Variants in ACBD5 observed in about 807,000 individuals in gnomAD.
ACBD5 encodes acyl-CoA-binding domain-containing protein 5.
In ACBD5, 40 loss-of-function variants were observed where a neutral mutation model predicts 71.8. The ratio of observed to expected loss-of-function variants is 0.56; its 90% CI spans 0.43 to 0.72. The LOEUF (loss-of-function observed/expected upper bound fraction) is 0.72, where lower values mean the gene tolerates loss of function less well. ACBD5 is among the 30% of genes least tolerant of loss of function. The probability of loss-of-function intolerance (pLI) is 0.00; values close to 1 mark genes in which losing one functional copy is unlikely to be tolerated. For synonymous variants in ACBD5, 229 were observed against 218.6 expected, an observed-to-expected ratio of 1.05 and a Z score of -0.42; for missense variants, 559 against 644.5, an observed-to-expected ratio of 0.87 and a Z score of 1.44.
At chr10:27,221,816 G>A in intron 5 of ACBD5, among the ~76,000 whole-genome samples, 1 of 150,482 alleles carries the variant, frequency 6.6e-6, no homozygotes, top group Non-Finnish European at 1.5e-5. Flanking sequence ...TACCTGGGAG[G>A]CTAAGTCAGG....
At chr10:27,213,715 C>T (rs2061344115) in intron 8 of ACBD5, among the ~76,000 whole-genome samples, 1 of 151,838 alleles carries the variant, frequency 6.6e-6, no homozygotes, top group Non-Finnish European at 1.5e-5. Context: ...CAAGATCATC[C>T]CATTGCACTC....
chr10:27,189,581 A>G (rs10829204), intron 13 of ACBD5, among the ~76,000 whole-genome samples: 6 of 135,820 alleles, frequency 4.4e-5, no homozygotes, highest in Non-Finnish European at 6.2e-5. Flanking sequence ...ATGAGAACAC[A>G]TGGACATAGG....
chr10:27,184,083 C>T (rs2058489423), intron 13 of ACBD5, among the ~76,000 whole-genome samples: 1 of 152,104 alleles, frequency 6.6e-6, no homozygotes, highest in African/African-American at 2.4e-5. Context: ...TTGCTTCAGG[C>T]CCTGGGAATA....
At chr10:27,193,843 CTTGGT>C (rs2059186328), downstream of ACBD5, among the ~76,000 whole-genome samples, 1 of 152,226 alleles carries the variant, frequency 6.6e-6, no homozygotes, top group Non-Finnish European at 1.5e-5. Flanking sequence ...GACCCAGTTA[CTTGGT>C]CAAGCCACCA....
At chr10:27,228,793 A>T (rs528887672) in intron 4 of ACBD5, among the ~76,000 whole-genome samples, 2 of 15,848 alleles carry the variant, frequency 1.3e-4, no homozygotes, top group African/African-American at 1.9e-4. Flanking sequence ...TATTATGTTT[A>T]TATATATATA....
chr10:27,224,157 G>A (rs2062712815), intron 4 of ACBD5, among the ~76,000 whole-genome samples: 1 of 151,038 alleles, frequency 6.6e-6, no homozygotes, highest in South Asian at 2.1e-4. Flanking sequence ...CTTGAGCCCA[G>A]GAGTTCGAGA....
rs1337258667 is a variant in ACBD5 at position 27,197,008 on chromosome 10, ATTCT to A, written c.*418_*421del. On this transcript the variant is annotated 3_prime_UTR_variant, in exon 13 of 13. Coordinates refer to ENST00000396271, the MANE Select transcript of ACBD5 (RefSeq NM_145698.5). ...CATTTGAAATTCACTCCTGGTTTGC[ATTCT>A]TTCTTTTATTTAATTTAGAAAATTA... The A allele has an allele frequency of 8.9e-6, 4 of 447,664 alleles. No individual in the cohort carries two copies. The highest frequency in any genetic ancestry group is 6.0e-5 in the African/African-American group (3 of 49,928). 27.7% of individuals were successfully genotyped at this position (447,664 alleles called of 1,614,324 possible).
rs2065387250 is a variant in ACBD5 at position 27,240,684 on chromosome 10, A to G, written c.5T>C (p.Leu2Pro). ...AGCAAAACAACTCACCGAGAGGAAG[A>G]GCATGTCTAGCAGAAGACAGAGGGG... M[L>P]FLSFHAGSWE... Residue 2 changes from leucine to proline, a missense_variant, in exon 1 of 13, where the codon CTC becomes CCC. Coordinates refer to ENST00000396271, the MANE Select transcript of ACBD5 (RefSeq NM_145698.5). This position sits in a 1 kb window ranked among gnomAD's most constrained non-coding sequence, Gnocchi z 4.1. 2 of 1,550,668 alleles carry G rather than the reference A, an allele frequency of 1.3e-6. No individual in the cohort carries two copies. Among genetic ancestry groups the G allele is most frequent in the Non-Finnish European group, 1.7e-6 (2 of 1,146,960 alleles).
At position 27,210,712 on chromosome 10, in the gene ACBD5, T is replaced by A. The variant is rs560671893; in HGVS notation, c.1204+102A>T. On this transcript the variant is annotated intron_variant, in intron 9 of 12. Coordinates refer to ENST00000396271, the MANE Select transcript of ACBD5 (RefSeq NM_145698.5). ...GGCAGAGGTTGCAGTGAGCCGAGAT[T>A]GCACCACCGCACACCAGCCTGGGCG... is the stretch of plus-strand genomic sequence containing the variant. The A allele has an allele frequency of 2.0e-6, 3 of 1,497,026 alleles. No individual in the cohort carries two copies. In the South Asian group the frequency reaches 3.5e-5, roughly 17 times the overall value. The allele number at this position is 1,497,026 out of a possible 1,614,324, so 92.7% of individuals were successfully genotyped here.
intron 9 of ACBD5, 143 bp downstream of exon 9, chr10:27,210,671 T>C (rs2060973306): frequency 9.5e-7 from 1 of 1,051,066 alleles, no homozygotes; most frequent in South Asian, 1.4e-5. Context: ...GGCAGGAGAA[T>C]CACTTGAACC....
intron 7 of ACBD5, among the ~76,000 whole-genome samples, chr10:27,217,114 C>T (rs574908898): frequency 2.8e-5 from 4 of 143,970 alleles, no homozygotes; most frequent in East Asian, 2.1e-4. Context: ...TCACTGCACT[C>T]CACCCTGGGC....
At chr10:27,216,117 A>G (rs1004137688) in intron 7 of ACBD5, among the ~76,000 whole-genome samples, 1 of 149,404 alleles carries the variant, frequency 6.7e-6, no homozygotes, top group Non-Finnish European at 1.5e-5. Flanking sequence ...CAGATGATCC[A>G]CCCACCTTGG....
intron 13 of ACBD5, among the ~76,000 whole-genome samples, chr10:27,189,837 GAA>G (rs2059005507): frequency 6.6e-6 from 1 of 151,218 alleles, no homozygotes; most frequent in East Asian, 1.9e-4. Flanking sequence ...GATGAATTTA[GAA>G]AAAGAGTAAA....
intron 9 of ACBD5, among the ~76,000 whole-genome samples, chr10:27,209,548 C>T (rs1032342323): frequency 2.0e-5 from 3 of 152,150 alleles, no homozygotes; most frequent in African/African-American, 7.2e-5. Flanking sequence ...GTCTTGAACT[C>T]CTGACCTCAA....
At position 27,240,476 on chromosome 10, in the gene ACBD5, T is replaced by C; in HGVS notation, c.24A>G (p.Ala8=). The C allele has an allele frequency of 6.2e-7, 1 of 1,609,574 alleles. No homozygotes were observed. The highest frequency in any genetic ancestry group is 1.3e-5 in the African/African-American group (1 of 74,932). MLFLSFH[A]GSWESWCCCC... ...AGCAGCACCAGCTTTCCCAAGAGCC[T>C]GCATGAAACTGGAACATGGAGCGCA... is the stretch of plus-strand genomic sequence containing the variant. The change falls in exon 2 of 13, where the codon GCA becomes GCG. Residue 8 remains alanine (A), a synonymous_variant. Transcript: ENST00000396271. This position sits in a 1 kb window ranked among gnomAD's most constrained non-coding sequence, Gnocchi z 4.1.
intron 11 of ACBD5, 50 bp downstream of exon 11, chr10:27,205,148 C>T (rs757540517): frequency 4.5e-6 from 7 of 1,569,782 alleles, no homozygotes; most frequent in African/African-American, 1.4e-5. Context: ...AAAACAACAA[C>T]AAAAAACATA....
intron 9 of ACBD5, among the ~76,000 whole-genome samples, chr10:27,209,746 T>C (rs948752438): frequency 2.2e-4 from 34 of 152,232 alleles, no homozygotes; most frequent in Admixed American, 1.7e-3. Context: ...ATTTACAAAA[T>C]TGGCATTACC....
chr10:27,191,449 G>T (rs1023633428), downstream of ACBD5, among the ~76,000 whole-genome samples: 4 of 152,114 alleles, frequency 2.6e-5, no homozygotes, highest in African/African-American at 9.7e-5. Context: ...TGTCCATGTT[G>T]GTTCATCAGA....
intron 12 of ACBD5, among the ~76,000 whole-genome samples, chr10:27,199,613 G>C (rs1202856631): frequency 6.6e-6 from 1 of 152,094 alleles, no homozygotes; most frequent in African/African-American, 2.4e-5. Context: ...CTCCTCAGAA[G>C]CCAGGGCCTG....
Sources: allele counts gnomAD v4.1 joint callset (sites outside exome capture counted in the v4.1 genomes callset), GRCh38; gene constraint gnomAD v4.1.1; non-coding constraint Gnocchi (gnomAD v3.1); transcripts MANE v1.5; gene names NCBI Gene and HGNC (gene_info 2026-07-23, HGNC 2026-07-21).